The following KCNG3 variants were observed in gnomAD, a reference collection of about 807,000 sequenced individuals.
The protein encoded by KCNG3 is voltage-gated potassium channel regulatory subunit KCNG3.
In KCNG3, 15 loss-of-function variants were observed where a neutral mutation model predicts 29.0. That is an observed-to-expected ratio of 0.52 (90% CI 0.35 to 0.80). The LOEUF is 0.80. Ranked by LOEUF, KCNG3 falls within the 30% of genes least tolerant of loss-of-function variation. The pLI, the probability that KCNG3 is intolerant of heterozygous loss-of-function variation, is 0.01. For synonymous variants in KCNG3, 322 were observed against 248.9 expected, an observed-to-expected ratio of 1.29 and a Z score of -2.76; for missense variants, 512 against 605.7, an observed-to-expected ratio of 0.85 and a Z score of 1.62.
rs1356955408 is a variant in KCNG3, at chr2:42,442,858, G to C, written c.*1076C>G. On this transcript the variant is annotated 3_prime_UTR_variant, in exon 2 of 2. Coordinates refer to ENST00000306078, the MANE Select transcript of KCNG3 (RefSeq NM_133329.6). ...TGTGATTCACAATAGTTAAAGATCA[G>C]ATCAAATCATTATGTATCCATCGCT... 1.3e-5 allele frequency: 2 copies of C among 152,148 alleles called. No individual in the cohort carries two copies. Among genetic ancestry groups the C allele is most frequent in the African/African-American group, 2.4e-5 (1 of 41,440 alleles). The allele number at this position is 152,148 out of a possible 1,614,324, so 9.4% of individuals were successfully genotyped here. A position where few individuals can be genotyped will look rare whatever the true frequency, so the allele number is the denominator to read the frequency against.
rs747139117 is a variant in KCNG3, at chr2:42,443,772, T to G, written c.*162A>C. ...TGCAGTCTCAATTCTATTTACTCCA[T>G]AACAAGTAAACTGTTTTATCCCTTC... On this transcript the variant is annotated 3_prime_UTR_variant, in exon 2 of 2. Transcript: ENST00000306078. 2.2e-5 allele frequency: 14 copies of G among 636,514 alleles called. No homozygotes were observed. The highest frequency in any genetic ancestry group is 1.6e-4 in the Admixed American group (5 of 30,812). The allele number at this position is 636,514 out of a possible 1,614,324, so 39.4% of individuals were successfully genotyped here.
the KCNG3 span, among the ~76,000 whole-genome samples, chr2:42,429,124 C>CA: frequency 1.3e-5 from 2 of 149,446 alleles, no homozygotes; most frequent in African/African-American, 2.5e-5. Context: ...ATCTCAAAAA[C>CA]AAAAAAACAA....
At chr2:42,461,055 G>A (rs1673003906) in intron 1 of KCNG3, among the ~76,000 whole-genome samples, 5 of 151,686 alleles carry the variant, frequency 3.3e-5, no homozygotes, top group Admixed American at 3.3e-4. Context: ...CAGCTACTCG[G>A]GAGGCTGAGG....
chr2:42,424,476 A>G, the KCNG3 span, among the ~76,000 whole-genome samples: 1 of 151,408 alleles, frequency 6.6e-6, no homozygotes, highest in Non-Finnish European at 1.5e-5. Flanking sequence ...TTATCTTCTC[A>G]GGTATCCAAA....
chr2:42,493,373 G>C lies in KCNG3; in HGVS notation c.129C>G (p.Ser43=), dbSNP rs772962774. Residue 43 remains serine (S), a synonymous_variant, in exon 1 of 2, where the codon TCC becomes TCG. Coordinates refer to ENST00000306078, the MANE Select transcript of KCNG3 (RefSeq NM_133329.6). ...RRVSRLHGCR[S]ERDVLEVCDD... ...CGCACACCTCGAGCACGTCGCGCTC[G>C]GAGCGGCAGCCGTGCAGCCGGCTCA... The C allele has an allele frequency of 3.8e-6, 6 of 1,559,642 alleles. No homozygotes were observed. In the African/African-American group the frequency reaches 8.1e-5, roughly 21 times the overall value.
intron 1 of KCNG3, among the ~76,000 whole-genome samples, chr2:42,448,370 TA>T (rs1481772410): frequency 1.3e-4 from 20 of 151,732 alleles, no homozygotes; most frequent in African/African-American, 4.6e-4. Context: ...TTTATTTATT[TA>T]TTTATTTATT....
chr2:42,492,565 A>T (rs972446089), intron 1 of KCNG3, among the ~76,000 whole-genome samples: 2 of 152,236 alleles, frequency 1.3e-5, no homozygotes, highest in Non-Finnish European at 2.9e-5. Flanking sequence ...AAGAGGGGAC[A>T]TTTGTCTATC....
intron 1 of KCNG3, among the ~76,000 whole-genome samples, chr2:42,446,755 T>C (rs1219594714): frequency 6.6e-6 from 1 of 152,182 alleles, no homozygotes; most frequent in East Asian, 1.9e-4. Flanking sequence ...TTTACAGGGC[T>C]GTAAAGATTA....
chr2:42,405,674 C>A, the KCNG3 span, among the ~76,000 whole-genome samples: 4 of 152,220 alleles, frequency 2.6e-5, no homozygotes, highest in East Asian at 5.8e-4. Flanking sequence ...GTGGCGCAAT[C>A]TCAGCTCACT....
intron 1 of KCNG3, among the ~76,000 whole-genome samples, chr2:42,464,316 C>T (rs932937165): frequency 6.6e-6 from 1 of 152,148 alleles, no homozygotes; most frequent in Non-Finnish European, 1.5e-5. Flanking sequence ...ATCCACCTGC[C>T]TTGGCCTCCC....
chr2:42,452,302 A>G (rs1014855856), intron 1 of KCNG3, among the ~76,000 whole-genome samples: 1 of 146,854 alleles, frequency 6.8e-6, no homozygotes, highest in Non-Finnish European at 1.5e-5. Flanking sequence ...CTAGAGCATA[A>G]TGGAGCAGTC....
At chr2:42,415,327 T>C in the KCNG3 span, among the ~76,000 whole-genome samples, 1 of 152,220 alleles carries the variant, frequency 6.6e-6, no homozygotes, top group South Asian at 2.1e-4. Context: ...GTTATAACCC[T>C]ATAGTAACTG....
chr2:42,418,714 T>C, the KCNG3 span, among the ~76,000 whole-genome samples: 4 of 152,200 alleles, frequency 2.6e-5, no homozygotes, highest in Admixed American at 6.5e-5. Flanking sequence ...TTAACTATTT[T>C]GAAGTATGCA....
chr2:42,407,522 T>G, the KCNG3 span, among the ~76,000 whole-genome samples: 1 of 152,144 alleles, frequency 6.6e-6, no homozygotes, highest in Admixed American at 6.5e-5. Context: ...CAACAACAAG[T>G]GGGAGCCCCA....
chr2:42,470,033 C>A, intron 1 of KCNG3: 1 of 499,652 alleles, frequency 2.0e-6, no homozygotes, highest in South Asian at 2.6e-5. Context: ...CTTAAGAATT[C>A]TTAAGTCCAA....
At position 42,444,180 on chromosome 2, in the gene KCNG3, C is replaced by T. The variant is rs1364589391; in HGVS notation, c.1065G>A (p.Lys355=). ...EHGLDLETSN[K]DFTSIPAACW... ...AGGCAGCAGGAATGCTGGTAAAGTCCTTGTTGGATGTTTCCAGGTCCAGCC... is the reference window on the plus strand; with the variant it reads ...AGGCAGCAGGAATGCTGGTAAAGTCTTTGTTGGATGTTTCCAGGTCCAGCC... The change falls in exon 2 of 2, where the codon AAG becomes AAA. Residue 355 remains lysine (K), a synonymous_variant. Transcript: ENST00000306078. The surrounding 1 kb of genome is among the most constrained non-coding windows in gnomAD (Gnocchi z 5.8). 6.2e-7 allele frequency: 1 copy of T among 1,614,030 alleles called. No homozygotes were observed. Among genetic ancestry groups the T allele is most frequent in the African/African-American group, 1.3e-5 (1 of 74,914 alleles).
chr2:42,412,019 G>A, the KCNG3 span, among the ~76,000 whole-genome samples: 1 of 152,316 alleles, frequency 6.6e-6, no homozygotes, highest in African/African-American at 2.4e-5. Flanking sequence ...GAAAAGACGT[G>A]GAGCCCCTTG....
At chr2:42,481,972 C>T (rs917270577) in intron 1 of KCNG3, among the ~76,000 whole-genome samples, 36 of 152,254 alleles carry the variant, frequency 2.4e-4, no homozygotes, top group African/African-American at 7.9e-4. Flanking sequence ...TTTCTCTAAT[C>T]CCATGAAAGA....
the KCNG3 span, among the ~76,000 whole-genome samples, chr2:42,435,874 T>C: frequency 7.2e-5 from 11 of 152,212 alleles, no homozygotes; most frequent in Non-Finnish European, 1.6e-4. Context: ...AACCTGGCAA[T>C]TCCATTCCTA....
Sources: gnomAD v4.1 joint callset for allele counts (sites outside exome capture counted in the v4.1 genomes callset) on GRCh38, gnomAD v4.1.1 for gene constraint, Gnocchi (gnomAD v3.1) non-coding constraint, MANE v1.5 for transcripts, NCBI Gene and HGNC (gene_info 2026-07-23, HGNC 2026-07-21) for gene names.